CHD4: variants seen among roughly 807,000 people sequenced by gnomAD.
The protein encoded by CHD4 is ATP-dependent chromatin remodeler CHD4.
A neutral mutation model predicts 235.5 loss-of-function variants in CHD4; 35 were observed. The ratio of observed to expected loss-of-function variants is 0.15; its 90% CI spans 0.11 to 0.20. CHD4 has a LOEUF of 0.20. Among genes scored for constraint, CHD4 ranks in the 10% least tolerant of loss-of-function variants. The pLI, the probability that CHD4 is intolerant of heterozygous loss-of-function variation, is 1.00. For missense variants in CHD4, 1,329 were observed against 2,432.3 expected (o/e 0.55, Z 9.54); for synonymous variants, 900 against 850.2 (o/e 1.06, Z -1.02).
intron 38 of CHD4, among the ~76,000 whole-genome samples, chr12:6,572,429 A>G (rs560934343): frequency 6.8e-6 from 1 of 148,022 alleles, no homozygotes; most frequent in Non-Finnish European, 1.5e-5. Context: ...CTATCTCAGA[A>G]AAAAAAAAAA....
intron 10 of CHD4, among the ~76,000 whole-genome samples, 162 bp from the exon 11 acceptor site, chr12:6,598,587 G>A (rs1948538211): frequency 6.6e-6 from 1 of 152,228 alleles, no homozygotes; most frequent in South Asian, 2.1e-4. Context: ...GAGGCGGGCA[G>A]ATCACGAGGT....
In CHD4 at chr12:6,594,633, C is replaced by T. The variant is rs913564062; in HGVS notation, c.2139G>A (p.Glu713=). The change falls in exon 15 of 40, where the codon GAG becomes GAA. Residue 713 remains glutamate, a synonymous_variant. Coordinates refer to ENST00000544040, the MANE Select transcript of CHD4 (RefSeq NM_001273.5). ...TAGCATCCAGGTACTCTGGCTGTCGCTCATACTTCACTGTTGGCTGAAGGA... is the reference window on the plus strand; with the variant it reads ...TAGCATCCAGGTACTCTGGCTGTCGTTCATACTTCACTGTTGGCTGAAGGA... ...TPTVDPTVKY[E]RQPEYLDATG... is the part of the protein sequence containing the mutation. The T allele has an allele frequency of 6.2e-7, 1 of 1,613,290 alleles. No homozygotes were observed. Among genetic ancestry groups the T allele is most frequent in the African/African-American group, 1.3e-5 (1 of 74,882 alleles).
intron 30 of CHD4, 103 bp from the exon 31 acceptor site, chr12:6,581,917 C>T: frequency 7.2e-7 from 1 of 1,381,292 alleles, no homozygotes; most frequent in South Asian, 1.6e-5. Context: ...ATTCTCCTGC[C>T]TCAGCCTTCT....
intron 30 of CHD4, 143 bp from the exon 31 acceptor site, chr12:6,581,957 C>A: frequency 1.7e-6 from 2 of 1,161,098 alleles, no homozygotes; most frequent in Non-Finnish European, 2.3e-6. Context: ...TGCCCGCCAC[C>A]ACGTGCAGCT....
chr12:6,600,796 G>A (rs1948576488), intron 7 of CHD4, 127 bp from the exon 8 acceptor site: 1 of 1,505,992 alleles, frequency 6.6e-7, no homozygotes, highest in African/African-American at 1.4e-5. Flanking sequence ...AGGGAGCCTA[G>A]TCTCATCTTG....
chr12:6,577,531 T>C (rs879426309), intron 37 of CHD4, among the ~76,000 whole-genome samples: 2 of 152,036 alleles, frequency 1.3e-5, no homozygotes, highest in Non-Finnish European at 2.9e-5. Flanking sequence ...CAATCTGCAG[T>C]GTTCCCCAAA....
At chr12:6,584,235 TA>T in intron 25 of CHD4, 1 of 152,314 alleles carries the variant, frequency 6.6e-6, no homozygotes, top group South Asian at 2.1e-4. Context: ...TTTGGGTACA[TA>T]TATGTGAGTG....
intron 24 of CHD4, 22 bp from the exon 25 acceptor site, chr12:6,587,581 C>T (rs2136208821): frequency 1.9e-6 from 3 of 1,612,968 alleles, no homozygotes; most frequent in East Asian, 4.5e-5. Context: ...CAAGGGCCCA[C>T]ATCCCCAAAG....
Position 6,593,269 on chromosome 12 carries a change from CTGTGTAAGCACAACCA to C in CHD4, c.2515-57_2515-42del. 6.2e-7 allele frequency: 1 copy of C among 1,613,250 alleles called. No individual in the cohort carries two copies. The highest frequency in any genetic ancestry group is 8.5e-7 in the Non-Finnish European group (1 of 1,179,578). On this transcript the variant is annotated intron_variant, in intron 16 of 39. Coordinates refer to ENST00000544040, the MANE Select transcript of CHD4 (RefSeq NM_001273.5). This position sits in a 1 kb window ranked among gnomAD's most constrained non-coding sequence, Gnocchi z 4.9. ...ACTTGGTCACTACTAGTCAGTTCCT[CTGTGTAAGCACAACCA>C]GGAGACTGATGGAATGTTTTCCTCC...
At chr12:6,591,436 C>T in intron 22 of CHD4, 30 bp downstream of exon 22, 1 of 1,558,422 alleles carries the variant, frequency 6.4e-7, no homozygotes, top group Non-Finnish European at 8.8e-7. Context: ...AATGAGGATT[C>T]CTGAAACTAA....
intron 10 of CHD4, 121 bp downstream of exon 10, chr12:6,599,652 G>C (rs1948556536): frequency 1.6e-6 from 2 of 1,240,884 alleles, no homozygotes; most frequent in South Asian, 2.8e-5. Context: ...GGATGAAGGA[G>C]AATACCTTTC....
At chr12:6,581,466 CATCTT>C (rs1409759398) in intron 31 of CHD4, 78 bp from the exon 32 acceptor site, 27 of 1,547,324 alleles carry the variant, frequency 1.7e-5, no homozygotes, top group Admixed American at 3.3e-5. Flanking sequence ...CAGTTTGTCT[CATCTT>C]AAATTGTCCT....
At chr12:6,598,593 G>C (rs1185198811) in intron 10 of CHD4, among the ~76,000 whole-genome samples, 168 bp from the exon 11 acceptor site, 1 of 152,192 alleles carries the variant, frequency 6.6e-6, no homozygotes, top group Non-Finnish European at 1.5e-5. Flanking sequence ...GGCAGATCAC[G>C]AGGTCAAGAG....
At chr12:6,579,165 A>C in intron 33 of CHD4, 10 of 301,978 alleles carry the variant, frequency 3.3e-5, no homozygotes, top group East Asian at 9.6e-5. Flanking sequence ...AAATACAAAA[A>C]TTAGCTGGGT....
At position 6,593,963 on chromosome 12, in the gene CHD4, G is replaced by T. The variant is rs1256116560; in HGVS notation, c.2314-347C>A. ...CGATTCTCCTGCCTCAGCCTCCCAA[G>T]TAGCTGGGATTACAGGCGTGCACCA... On this transcript the variant is annotated intron_variant, in intron 15 of 39. Coordinates refer to ENST00000544040, the MANE Select transcript of CHD4 (RefSeq NM_001273.5). This position sits in a 1 kb window ranked among gnomAD's most constrained non-coding sequence, Gnocchi z 4.9. 1.3e-5 allele frequency among the ~76,000 whole-genome samples: 2 copies of T among 152,256 alleles called. No individual in the cohort carries two copies. Among genetic ancestry groups the T allele is most frequent in the Admixed American group, 6.5e-5 (1 of 15,294 alleles).
intron 12 of CHD4, 44 bp from the exon 13 acceptor site, chr12:6,596,181 C>T: frequency 6.8e-6 from 11 of 1,607,402 alleles, no homozygotes; most frequent in Non-Finnish European, 9.3e-6. Flanking sequence ...GAAAAGGCAA[C>T]CCTCCTCACT....
At chr12:6,605,221 AG>A (rs1248326795) in intron 2 of CHD4, among the ~76,000 whole-genome samples, 1 of 152,230 alleles carries the variant, frequency 6.6e-6, no homozygotes, top group East Asian at 1.9e-4. Flanking sequence ...AAACAAAAAC[AG>A]GATCAGCAGG....
intron 14 of CHD4, 138 bp from the exon 15 acceptor site, chr12:6,594,788 CTA>C (rs1394791107): frequency 1.4e-6 from 1 of 704,362 alleles, no homozygotes; most frequent in African/African-American, 1.8e-5. Flanking sequence ...AAGAGATCCC[CTA>C]TGATTACTGC....
intron 22 of CHD4, among the ~76,000 whole-genome samples, chr12:6,589,788 C>T (rs944335971): frequency 6.6e-6 from 1 of 151,110 alleles, no homozygotes; most frequent in Non-Finnish European, 1.5e-5. Flanking sequence ...AAGAAAAGGA[C>T]ACATCATCAC....
Sources: gnomAD v4.1 joint callset for allele counts (sites outside exome capture counted in the v4.1 genomes callset) on GRCh38, gnomAD v4.1.1 for gene constraint, Gnocchi (gnomAD v3.1) non-coding constraint, MANE v1.5 for transcripts, NCBI Gene and HGNC (gene_info 2026-07-23, HGNC 2026-07-21) for gene names.